Variants in CTNNBIP1 observed in about 807,000 individuals in gnomAD.
CTNNBIP1 encodes the protein catenin beta interacting protein 1.
A neutral mutation model predicts 11.8 loss-of-function variants in CTNNBIP1; 7 were observed. The observed-to-expected ratio is 0.60, with a 90% CI of 0.34 to 1.12. The LOEUF is 1.12. Among genes scored for constraint, CTNNBIP1 ranks in the 50% most tolerant of loss-of-function variants. The pLI, the probability that CTNNBIP1 is intolerant of heterozygous loss-of-function variation, is 0.03. For synonymous variants in CTNNBIP1, 58 were observed against 43.9 expected (o/e 1.32, Z -1.26); for missense variants, 101 against 113.4 (o/e 0.89, Z 0.50).
rs533863779 is a variant in CTNNBIP1, at chr1:9,864,500, T to C, written c.187+6687A>G. On this transcript the variant is annotated intron_variant, in intron 5 of 5. Transcript: ENST00000377263. ...CCCGCCACCACGCCCGGCTAATTTT[T>C]TGTATTTTTAGTAGAGACGGAGTTT... is the stretch of plus-strand genomic sequence containing the variant. 9.2e-5 allele frequency among the ~76,000 whole-genome samples: 14 copies of C among 152,338 alleles called. No individual in the cohort carries two copies. In the East Asian group the frequency reaches 1.5e-3, roughly 17 times the overall value.
At position 9,855,898 on chromosome 1, in the gene CTNNBIP1, A is replaced by AT. The variant is rs904250763; in HGVS notation, c.188-5123dup. 2.6e-3 allele frequency among the ~76,000 whole-genome samples: 389 copies of AT among 150,860 alleles called. 1 individual carries two copies. Among genetic ancestry groups the AT allele is most frequent in the African/African-American group, 8.3e-3 (342 of 41,162 alleles). ...CCACACTGCTACACTCGGCTAATTA[A>AT]TTTTTTTTTGGCCAAGGTGGGCAGA... On this transcript the variant is annotated intron_variant, in intron 5 of 5. Coordinates refer to ENST00000377263, the MANE Select transcript of CTNNBIP1 (RefSeq NM_020248.3).
chr1:9,875,476 C>A (rs914258530), intron 3 of CTNNBIP1, among the ~76,000 whole-genome samples: 1 of 152,222 alleles, frequency 6.6e-6, no homozygotes, highest in African/African-American at 2.4e-5. Context: ...TAGGTGCCGC[C>A]CCGTCTTCCC....
chr1:9,883,048 G>A lies in CTNNBIP1; in HGVS notation c.-110+657C>T, dbSNP rs1036570631. ...CGGGTGGGGCAGCCGCAGGGCAGGG[G>A]GCTCCTTCTGTGGGCACGCAGAGCC... On this transcript the variant is annotated intron_variant, in intron 2 of 5. Coordinates refer to ENST00000377263, the MANE Select transcript of CTNNBIP1 (RefSeq NM_020248.3). This position sits in a 1 kb window ranked among gnomAD's most constrained non-coding sequence, Gnocchi z 5.6. 6.6e-6 allele frequency among the ~76,000 whole-genome samples: 1 copy of A among 152,196 alleles called. No individual in the cohort carries two copies. The highest frequency in any genetic ancestry group is 1.5e-5 in the Non-Finnish European group (1 of 68,032).
chr1:9,906,430 C>A (rs543442687), intron 1 of CTNNBIP1, among the ~76,000 whole-genome samples: 27 of 152,118 alleles, frequency 1.8e-4, no homozygotes, highest in African/African-American at 5.3e-4. Flanking sequence ...TGGTGGCACA[C>A]GCCTGTAATC....
In CTNNBIP1 at chr1:9,871,708, G is replaced by A. The variant is rs536082759; in HGVS notation, c.96+261C>T. 3.7e-4 allele frequency among the ~76,000 whole-genome samples: 56 copies of A among 152,312 alleles called. No homozygotes were observed. Among genetic ancestry groups the A allele is most frequent in the Non-Finnish European group, 6.9e-4 (47 of 68,014 alleles). The stretch of plus-strand genomic sequence containing the variant: ...TTTCGGGCTTGTGAGGGGGAGAAAA[G>A]GAAGGTCAGGGCCTTGAGACCCTCA... On this transcript the variant is annotated intron_variant, in intron 4 of 5. Coordinates refer to ENST00000377263, the MANE Select transcript of CTNNBIP1 (RefSeq NM_020248.3). The surrounding 1 kb of genome is among the most constrained non-coding windows in gnomAD (Gnocchi z 5.2).
At chr1:9,897,417 G>A (rs1269784046) in intron 1 of CTNNBIP1, among the ~76,000 whole-genome samples, 1 of 152,112 alleles carries the variant, frequency 6.6e-6, no homozygotes, top group Non-Finnish European at 1.5e-5. Context: ...TCGCTCCACT[G>A]CACTCTAGCC....
In CTNNBIP1 at chr1:9,872,440, G is replaced by A. The variant is rs1379559655; in HGVS notation, c.-24-352C>T. Among the ~76,000 whole-genome samples the A allele has an allele frequency of 6.6e-6, 1 of 152,252 alleles. No homozygotes were observed. Among genetic ancestry groups the A allele is most frequent in the African/African-American group, 2.4e-5 (1 of 41,458 alleles). Reference sequence around the variant, plus strand: ...GCTCCTGCTACAAGCCACAGGACACGTGGTGCATGAAGCCCCAAATGTCCC... The same window carrying A: ...GCTCCTGCTACAAGCCACAGGACACATGGTGCATGAAGCCCCAAATGTCCC... On this transcript the variant is annotated intron_variant, in intron 3 of 5. Coordinates refer to ENST00000377263, the MANE Select transcript of CTNNBIP1 (RefSeq NM_020248.3). The surrounding 1 kb of genome is among the most constrained non-coding windows in gnomAD (Gnocchi z 4.0).
At chr1:9,896,461 C>A (rs946630574) in intron 1 of CTNNBIP1, among the ~76,000 whole-genome samples, 10 of 151,900 alleles carry the variant, frequency 6.6e-5, no homozygotes, top group Non-Finnish European at 1.0e-4. Context: ...CACTTTGAGA[C>A]ACAAAGGCAG....
At chr1:9,875,911 A>C (rs1638959397) in intron 3 of CTNNBIP1, among the ~76,000 whole-genome samples, 1 of 152,200 alleles carries the variant, frequency 6.6e-6, no homozygotes, top group African/African-American at 2.4e-5. Flanking sequence ...ATAAATCATA[A>C]TCAACCCAAA....
intron 5 of CTNNBIP1, among the ~76,000 whole-genome samples, chr1:9,870,627 A>C (rs1638841205): frequency 6.6e-6 from 1 of 152,234 alleles, no homozygotes; most frequent in South Asian, 2.1e-4. Context: ...ACAAACACTC[A>C]CATCCTGCCT....
intron 1 of CTNNBIP1, among the ~76,000 whole-genome samples, chr1:9,889,636 G>A (rs1301666396): frequency 6.6e-6 from 1 of 152,006 alleles, no homozygotes; most frequent in East Asian, 1.9e-4. Flanking sequence ...TCCTCTTCTC[G>A]CATCACCGCC....
Position 9,850,789 on chromosome 1 carries a change from C to CGACAA in CTNNBIP1, c.188-18_188-14dup. ...ACGTCCTCTGCACCTGCAGATAAGG[C>CGACAA]GACAAGGATCGCTGATGGGGCTTGC... On this transcript the variant is annotated splice_polypyrimidine_tract_variant and intron_variant, in intron 5 of 5. Transcript: ENST00000377263. 6.2e-7 allele frequency: 1 copy of CGACAA among 1,613,576 alleles called. No individual in the cohort carries two copies. Among genetic ancestry groups the CGACAA allele is most frequent in the South Asian group, 1.1e-5 (1 of 91,080 alleles).
intron 1 of CTNNBIP1, among the ~76,000 whole-genome samples, chr1:9,900,466 G>A (rs1237689252): frequency 2.0e-5 from 3 of 152,194 alleles, no homozygotes; most frequent in African/African-American, 7.2e-5. Flanking sequence ...GTGCAGTGCG[G>A]TGCCTGACGC....
intron 1 of CTNNBIP1, among the ~76,000 whole-genome samples, chr1:9,891,262 T>C (rs146461040): frequency 3.6e-4 from 55 of 152,214 alleles, no homozygotes; most frequent in Admixed American, 1.7e-3. Context: ...AGCCTCATCC[T>C]CAGAGGCAGG....
intron 2 of CTNNBIP1, among the ~76,000 whole-genome samples, chr1:9,882,061 CAG>C (rs1212947588): frequency 2.0e-5 from 3 of 152,206 alleles, no homozygotes; most frequent in Non-Finnish European, 2.9e-5. Flanking sequence ...AAAGAAGACC[CAG>C]GGCCTTAAGC....
At chr1:9,874,120 C>T (rs1638917964) in intron 3 of CTNNBIP1, among the ~76,000 whole-genome samples, 1 of 152,142 alleles carries the variant, frequency 6.6e-6, no homozygotes, top group Non-Finnish European at 1.5e-5. Context: ...TCTCTTCTTC[C>T]TCTTCCCCTT....
intron 5 of CTNNBIP1, among the ~76,000 whole-genome samples, chr1:9,870,290 G>C (rs1042029484): frequency 6.6e-6 from 1 of 152,228 alleles, no homozygotes; most frequent in Non-Finnish European, 1.5e-5. Context: ...AGCATAAAGA[G>C]AATAAAAGGA....
chr1:9,876,511 G>A (rs550568838), intron 3 of CTNNBIP1, among the ~76,000 whole-genome samples: 66 of 152,192 alleles, frequency 4.3e-4, no homozygotes, highest in African/African-American at 1.5e-3. Context: ...CCAGCTACTC[G>A]GAGACCGAGG....
chr1:9,874,700 C>T (rs1035107888), intron 3 of CTNNBIP1, among the ~76,000 whole-genome samples: 9 of 152,324 alleles, frequency 5.9e-5, no homozygotes, highest in Middle Eastern at 3.4e-3. Context: ...AAATACTGCC[C>T]GCTTGGCTAA....
Sources: gnomAD v4.1 joint callset for allele counts (sites outside exome capture counted in the v4.1 genomes callset) on GRCh38, gnomAD v4.1.1 for gene constraint, Gnocchi (gnomAD v3.1) non-coding constraint, MANE v1.5 for transcripts, NCBI Gene and HGNC (gene_info 2026-07-23, HGNC 2026-07-21) for gene names.